The following TRABD2B variants were observed in gnomAD, a reference collection of about 807,000 sequenced individuals.
TRABD2B encodes metalloprotease TIKI2.
A neutral mutation model predicts 40.1 loss-of-function variants in TRABD2B; 14 were observed. The observed-to-expected ratio is 0.35, with a 90% CI of 0.23 to 0.55. The LOEUF is 0.55. Among genes scored for constraint, TRABD2B ranks in the 20% least tolerant of loss-of-function variants. TRABD2B has a pLI of 0.90. For missense variants in TRABD2B, 541 were observed against 648.6 expected (o/e 0.83, Z 1.80); for synonymous variants, 263 against 277.0 (o/e 0.95, Z 0.50).
chr1:47,931,545 G>A (rs1645040133), intron 2 of TRABD2B, among the ~76,000 whole-genome samples: 2 of 152,234 alleles, frequency 1.3e-5, no homozygotes, highest in Admixed American at 6.5e-5. Context: ...CCCACTTCCT[G>A]TCTCCTGGCA....
intron 2 of TRABD2B, among the ~76,000 whole-genome samples, chr1:47,890,856 T>C (rs1334804276): frequency 6.6e-6 from 1 of 152,252 alleles, no homozygotes; most frequent in Non-Finnish European, 1.5e-5. Context: ...GCATCTTCAT[T>C]ACAGCAGGTA....
intron 2 of TRABD2B, among the ~76,000 whole-genome samples, chr1:47,844,432 T>G (rs1328062954): frequency 6.6e-6 from 1 of 152,184 alleles, no homozygotes; most frequent in African/African-American, 2.4e-5. Flanking sequence ...TGTCCTCTGA[T>G]CACATCAATG....
chr1:47,842,779 G>T (rs189954061), intron 2 of TRABD2B, among the ~76,000 whole-genome samples: 1 of 152,346 alleles, frequency 6.6e-6, no homozygotes, highest in East Asian at 1.9e-4. Context: ...AATGTGTGGA[G>T]ATTTCATTGT....
intron 2 of TRABD2B, among the ~76,000 whole-genome samples, chr1:47,856,950 C>T (rs1050195041): frequency 1.3e-5 from 2 of 152,236 alleles, no homozygotes; most frequent in African/African-American, 4.8e-5. Flanking sequence ...GAAGCTGTCA[C>T]TCAGAGCTCC....
chr1:47,879,484 A>C (rs1407266722), intron 2 of TRABD2B, among the ~76,000 whole-genome samples: 1 of 152,204 alleles, frequency 6.6e-6, no homozygotes, highest in Non-Finnish European at 1.5e-5. Flanking sequence ...AGGTGTGTAA[A>C]AGGCTACACC....
At chr1:47,829,296 G>C (rs1279915581) in intron 2 of TRABD2B, among the ~76,000 whole-genome samples, 1 of 152,036 alleles carries the variant, frequency 6.6e-6, no homozygotes, top group Non-Finnish European at 1.5e-5. Flanking sequence ...TTCCTGGAGG[G>C]GCTTCACTTA....
chr1:47,964,042 T>C (rs188483764), intron 2 of TRABD2B, among the ~76,000 whole-genome samples: 1 of 152,282 alleles, frequency 6.6e-6, no homozygotes, highest in African/African-American at 2.4e-5. Flanking sequence ...GATAATTTGT[T>C]CTGGAGTGTT....
chr1:47,787,504 G>A (rs777391175), intron 4 of TRABD2B, among the ~76,000 whole-genome samples: 15 of 151,964 alleles, frequency 9.9e-5, no homozygotes, highest in Middle Eastern at 3.4e-3. Context: ...TCATCTTGCC[G>A]CCTCCCCTCC....
At chr1:47,860,933 A>T (rs934548021) in intron 2 of TRABD2B, among the ~76,000 whole-genome samples, 1 of 152,186 alleles carries the variant, frequency 6.6e-6, no homozygotes, top group Admixed American at 6.5e-5. Context: ...AAGCCAAATA[A>T]GCCTCTTTTC....
intron 2 of TRABD2B, among the ~76,000 whole-genome samples, chr1:47,828,060 A>C (rs1306695732): frequency 1.3e-5 from 2 of 152,144 alleles, no homozygotes; most frequent in Non-Finnish European, 2.9e-5. Flanking sequence ...AACTGGGGAC[A>C]ATGAGCCCTT....
At chr1:47,875,053 G>A (rs976240483) in intron 2 of TRABD2B, among the ~76,000 whole-genome samples, 13 of 152,090 alleles carry the variant, frequency 8.5e-5, no homozygotes, top group African/African-American at 2.7e-4. Context: ...AGGATGTAGC[G>A]CTTTCACCCA....
At chr1:47,932,053 G>T (rs755515797) in intron 2 of TRABD2B, among the ~76,000 whole-genome samples, 1 of 152,160 alleles carries the variant, frequency 6.6e-6, no homozygotes, top group Non-Finnish European at 1.5e-5. Context: ...GAGAGGTGAA[G>T]GAAGAGTACC....
chr1:47,928,669 C>T (rs1455483745), intron 2 of TRABD2B, among the ~76,000 whole-genome samples: 3 of 152,250 alleles, frequency 2.0e-5, no homozygotes, highest in African/African-American at 7.2e-5. Context: ...GTCCAATCCT[C>T]TAGCAAAAAG....
intron 2 of TRABD2B, among the ~76,000 whole-genome samples, chr1:47,972,303 T>C (rs1040098880): frequency 6.6e-6 from 1 of 152,216 alleles, no homozygotes; most frequent in African/African-American, 2.4e-5. Flanking sequence ...AGTATCCACC[T>C]ACTTTCCAAT....
chr1:47,922,074 CA>C (rs1172762991), intron 2 of TRABD2B, among the ~76,000 whole-genome samples: 2 of 152,200 alleles, frequency 1.3e-5, no homozygotes, highest in Admixed American at 1.3e-4. Flanking sequence ...AAGCCCACGC[CA>C]TTTCTGCCAT....
intron 2 of TRABD2B, among the ~76,000 whole-genome samples, chr1:47,929,190 G>T (rs1382373052): frequency 6.6e-6 from 1 of 152,200 alleles, no homozygotes; most frequent in East Asian, 1.9e-4. Flanking sequence ...CAAGGCACCT[G>T]GAGCACAGAA....
chr1:47,832,464 G>A (rs763355824), intron 2 of TRABD2B, among the ~76,000 whole-genome samples: 3 of 152,156 alleles, frequency 2.0e-5, no homozygotes, highest in East Asian at 1.9e-4. Context: ...TTTTGGGGGG[G>A]ATGATTTAAA....
At chr1:47,963,226 T>G in intron 2 of TRABD2B, among the ~76,000 whole-genome samples, 1 of 152,248 alleles carries the variant, frequency 6.6e-6, no homozygotes, top group East Asian at 1.9e-4. Flanking sequence ...AATAGGTGAC[T>G]TGCAATATGC....
chr1:47,990,574 CTGTT>C (rs1432900046), intron 2 of TRABD2B, among the ~76,000 whole-genome samples: 1 of 151,598 alleles, frequency 6.6e-6, no homozygotes, highest in Non-Finnish European at 1.5e-5. Context: ...CCAGCCTAGA[CTGTT>C]TGCCAAGCAC....
Sources: gnomAD v4.1 joint callset for allele counts (sites outside exome capture counted in the v4.1 genomes callset) on GRCh38, gnomAD v4.1.1 for gene constraint, MANE v1.5 for transcripts, NCBI Gene and HGNC (gene_info 2026-07-23, HGNC 2026-07-21) for gene names.